Variants in EHMT1 observed in about 807,000 individuals in gnomAD.
The protein encoded by EHMT1 is euchromatic histone lysine methyltransferase 1, also known as histone-lysine N-methyltransferase EHMT1.
EHMT1 carries 15 observed loss-of-function variants against 147.2 expected under a neutral mutation model. The observed-to-expected ratio is 0.10, with a 90% CI of 0.07 to 0.16. EHMT1 has a LOEUF of 0.16. EHMT1 is among the 10% of genes least tolerant of loss of function. The probability of loss-of-function intolerance (pLI) is 1.00; values close to 1 mark genes in which losing one functional copy is unlikely to be tolerated. For missense variants in EHMT1, 1,587 were observed against 1,772.4 expected (o/e 0.90, Z 1.88); for synonymous variants, 795 against 709.6 (o/e 1.12, Z -1.91).
At chr9:137,683,684 TATC>T (rs1942176313) in intron 1 of EHMT1, among the ~76,000 whole-genome samples, 1 of 152,246 alleles carries the variant, frequency 6.6e-6, no homozygotes, top group Non-Finnish European at 1.5e-5. Context: ...ATTATACCTT[TATC>T]AGCGTATTTG....
At chr9:137,626,961 TTTTTG>T (rs1271033234) in intron 1 of EHMT1, among the ~76,000 whole-genome samples, 1 of 151,934 alleles carries the variant, frequency 6.6e-6, no homozygotes, top group Non-Finnish European at 1.5e-5. Flanking sequence ...TTTGTTTTTG[TTTTTG>T]TTTTGTTTTG....
At chr9:137,658,644 G>A (rs1260245618) in intron 1 of EHMT1, among the ~76,000 whole-genome samples, 1 of 149,522 alleles carries the variant, frequency 6.7e-6, no homozygotes, top group East Asian at 2.0e-4. Flanking sequence ...ACAGGGTCTT[G>A]CCCTGTAGCC....
chr9:137,635,419 G>A (rs540038509), intron 1 of EHMT1, among the ~76,000 whole-genome samples: 7 of 150,998 alleles, frequency 4.6e-5, no homozygotes, highest in South Asian at 2.1e-4. Context: ...GTTTCACCAT[G>A]TTGGACAGGC....
chr9:137,707,782 G>GGAGGGGACAGCATGT (rs1404385489), intron 1 of EHMT1, among the ~76,000 whole-genome samples: 1 of 152,232 alleles, frequency 6.6e-6, no homozygotes, highest in Non-Finnish European at 1.5e-5. Context: ...GGTGCCTCCA[G>GGAGGGGACAGCATGT]GAGGGGACAG....
intron 4 of EHMT1, among the ~76,000 whole-genome samples, chr9:137,741,731 T>C (rs572110878): frequency 6.6e-6 from 1 of 152,312 alleles, no homozygotes; most frequent in South Asian, 2.1e-4. Context: ...TATGAAAAGT[T>C]GGCCCTCTGT....
chr9:137,791,324 C>G (rs1480965501), intron 16 of EHMT1, among the ~76,000 whole-genome samples: 2 of 152,132 alleles, frequency 1.3e-5, no homozygotes, highest in African/African-American at 4.8e-5. Context: ...AGTAAAACTG[C>G]CTCTGTTCAC....
chr9:137,650,666 CTTTTTTTTTTTT>C lies in EHMT1; in HGVS notation c.21+31626_21+31637del, dbSNP rs75230304. Among the ~76,000 whole-genome samples, 4 of 121,580 alleles carry C rather than the reference CTTTTTTTTTTTT, an allele frequency of 3.3e-5. No individual in the cohort carries two copies. The South Asian group carries it at 1.1e-3, about 32-fold the overall frequency. The allele number at this position is 121,580 out of a possible 152,430, so 79.8% of individuals were successfully genotyped here. A position where few individuals can be genotyped will look rare whatever the true frequency, so the allele number is the denominator to read the frequency against. ...CCCTTATCAGATATAGGACCCCCCG[CTTTTTTTTTTTT>C]TTTTTTTTGAGACAGTTGCACTCTG... On this transcript the variant is annotated intron_variant, in intron 1 of 26. Transcript: ENST00000460843.
At chr9:137,799,195 C>T (rs1229074070) in intron 17 of EHMT1, among the ~76,000 whole-genome samples, 1 of 152,182 alleles carries the variant, frequency 6.6e-6, no homozygotes, top group Non-Finnish European at 1.5e-5. Flanking sequence ...ACAGGGTTAG[C>T]TCAAGCCCTT....
intron 3 of EHMT1, among the ~76,000 whole-genome samples, chr9:137,725,682 C>G (rs949985661): frequency 6.6e-6 from 1 of 152,052 alleles, no homozygotes; most frequent in African/African-American, 2.4e-5. Flanking sequence ...TTTGCAAGGA[C>G]CACATGGCAG....
intron 10 of EHMT1, among the ~76,000 whole-genome samples, chr9:137,766,338 GGCACA>G (rs1950216283): frequency 6.6e-6 from 1 of 152,228 alleles, no homozygotes; most frequent in Non-Finnish European, 1.5e-5. Context: ...TCTCAGGCCA[GGCACA>G]GTGGCTTATG....
chr9:137,651,057 C>T (rs1324536190), intron 1 of EHMT1: 1 of 151,914 alleles, frequency 6.6e-6, no homozygotes, highest in Admixed American at 6.6e-5. Flanking sequence ...AGAGTGAGAC[C>T]CTATCTCAAA....
intron 8 of EHMT1, 23 bp from the exon 9 acceptor site, chr9:137,757,857 A>T: frequency 6.2e-7 from 1 of 1,613,290 alleles, no homozygotes; most frequent in South Asian, 1.1e-5. Flanking sequence ...GTGGTGTCTG[A>T]TGTGTGTGCC....
Position 137,653,451 on chromosome 9 carries a change from G to T in EHMT1, c.21+34402G>T, listed in dbSNP as rs374674271. 7.9e-5 allele frequency among the ~76,000 whole-genome samples: 12 copies of T among 152,266 alleles called. No individual in the cohort carries two copies. The East Asian group carries it at 2.3e-3, about 29-fold the overall frequency. ...GAATTTCCCAGAAGGTATCCTCGTA[G>T]TTAAGTGATGCATGGTTGCATAAAG... On this transcript the variant is annotated intron_variant, in intron 1 of 26. Coordinates refer to ENST00000460843, the MANE Select transcript of EHMT1 (RefSeq NM_024757.5).
At chr9:137,701,760 TG>T (rs1259373940) in intron 1 of EHMT1, among the ~76,000 whole-genome samples, 5 of 148,128 alleles carry the variant, frequency 3.4e-5, no homozygotes, top group Non-Finnish European at 4.4e-5. Flanking sequence ...CCTGAATAGC[TG>T]GGATTACAGG....
intron 16 of EHMT1, 104 bp from the exon 17 acceptor site, chr9:137,798,709 C>G (rs1564783998): frequency 1.1e-6 from 1 of 933,624 alleles, no homozygotes; most frequent in Non-Finnish European, 1.8e-6. Flanking sequence ...GGACAGTACC[C>G]CACCCGCATG....
intron 1 of EHMT1, among the ~76,000 whole-genome samples, chr9:137,686,729 T>C (rs1942471669): frequency 7.3e-6 from 1 of 136,578 alleles, no homozygotes; most frequent in African/African-American, 3.2e-5. Context: ...CCTCATTCTT[T>C]CTTTTTTTTT....
At chr9:137,739,407 G>C (rs1947856505) in intron 4 of EHMT1, among the ~76,000 whole-genome samples, 1 of 152,058 alleles carries the variant, frequency 6.6e-6, no homozygotes, top group Non-Finnish European at 1.5e-5. Context: ...AAAGCAGTTT[G>C]AGTGTCCACA....
chr9:137,695,398 G>C lies in EHMT1; in HGVS notation c.22-15569G>C, dbSNP rs890741159. ...CTGGGGTTTGCTCTGACCCCTGCTGGCGAGGGGAAGAAGGTCAGGACAAAG... is the reference window on the plus strand; with the variant it reads ...CTGGGGTTTGCTCTGACCCCTGCTGCCGAGGGGAAGAAGGTCAGGACAAAG... On this transcript the variant is annotated intron_variant, in intron 1 of 26. Transcript: ENST00000460843. Among the ~76,000 whole-genome samples the C allele has an allele frequency of 9.3e-4, 142 of 152,188 alleles. 1 individual carries two copies. Among genetic ancestry groups the C allele is most frequent in the African/African-American group, 3.4e-3 (139 of 41,438 alleles).
chr9:137,652,678 G>T (rs1937978613), intron 1 of EHMT1, among the ~76,000 whole-genome samples: 1 of 151,332 alleles, frequency 6.6e-6, no homozygotes, highest in East Asian at 1.9e-4. Flanking sequence ...GAGCCACCGC[G>T]CCTGGCTAGT....
Sources: gnomAD v4.1 joint callset for allele counts (sites outside exome capture counted in the v4.1 genomes callset) on GRCh38, gnomAD v4.1.1 for gene constraint, MANE v1.5 for transcripts, NCBI Gene and HGNC (gene_info 2026-07-23, HGNC 2026-07-21) for gene names.